The following CSF2RB variants were observed in gnomAD, a reference collection of about 807,000 sequenced individuals.
The protein encoded by CSF2RB is cytokine receptor common subunit beta.
A neutral mutation model predicts 67.2 loss-of-function variants in CSF2RB; 22 were observed. The ratio of observed to expected loss-of-function variants is 0.33; its 90% CI spans 0.23 to 0.47. CSF2RB has a LOEUF of 0.47. CSF2RB is among the 20% of genes least tolerant of loss of function. The probability of loss-of-function intolerance (pLI) is 1.00; values close to 1 mark genes in which losing one functional copy is unlikely to be tolerated. For synonymous variants in CSF2RB, 507 were observed against 482.9 expected (o/e 1.05, Z -0.65); for missense variants, 1,113 against 1,174.5 (o/e 0.95, Z 0.76).
chr22:36,918,808 T>C (rs1281680724), intron 1 of CSF2RB, among the ~76,000 whole-genome samples: 2 of 152,190 alleles, frequency 1.3e-5, no homozygotes, highest in Non-Finnish European at 2.9e-5. Context: ...GTATGGTTGC[T>C]CCAGAGTGAG....
At chr22:36,920,176 T>C (rs1349424166) in intron 1 of CSF2RB, among the ~76,000 whole-genome samples, 1 of 152,262 alleles carries the variant, frequency 6.6e-6, no homozygotes, top group African/African-American at 2.4e-5. Context: ...CACTGCAATA[T>C]TGTCAGCCAC....
At chr22:36,936,912 A>G (rs536313362) in intron 13 of CSF2RB, among the ~76,000 whole-genome samples, 1 of 152,262 alleles carries the variant, frequency 6.6e-6, no homozygotes, top group East Asian at 1.9e-4. Context: ...TGGCTGCCTC[A>G]GAGGCGTCAC....
At chr22:36,932,926 G>A in intron 9 of CSF2RB, 22 bp downstream of exon 9, 2 of 1,613,046 alleles carry the variant, frequency 1.2e-6, no homozygotes, top group Non-Finnish European at 1.7e-6. Flanking sequence ...TGCCCAGGGA[G>A]GGGAGAAACA....
intron 7 of CSF2RB, 56 bp downstream of exon 7, chr22:36,930,566 C>A: frequency 1.2e-6 from 2 of 1,611,710 alleles, no homozygotes; most frequent in Non-Finnish European, 1.7e-6. Flanking sequence ...TCTCTCCAAG[C>A]TTCCTCCTGT....
chr22:36,918,587 C>T (rs1408755625), intron 1 of CSF2RB, among the ~76,000 whole-genome samples: 1 of 152,186 alleles, frequency 6.6e-6, no homozygotes, highest in African/African-American at 2.4e-5. Flanking sequence ...AATACAGATT[C>T]CTTACTGTCT....
In CSF2RB at chr22:36,939,239, C is replaced by T. The variant is rs1197049273; in HGVS notation, c.*737C>T. On this transcript the variant is annotated 3_prime_UTR_variant, in exon 14 of 14. Transcript: ENST00000403662. ...TGGGACCTCCAGTCCCTTGAGACCC[C>T]ACGTCATGTAGAGAAGTTAACGGCC... 5 of 702,140 alleles carry T rather than the reference C, an allele frequency of 7.1e-6. No individual in the cohort carries two copies. The highest frequency in any genetic ancestry group is 7.8e-6 in the Non-Finnish European group (3 of 384,842). 43.5% of individuals were successfully genotyped at this position (702,140 alleles called of 1,614,324 possible).
In CSF2RB at chr22:36,938,398, G is replaced by A. The variant is rs1243778515; in HGVS notation, c.2590G>A (p.Ala864Thr). 2.5e-6 allele frequency: 4 copies of A among 1,614,174 alleles called. No individual in the cohort carries two copies. Among genetic ancestry groups the A allele is most frequent in the Admixed American group, 1.7e-5 (1 of 60,026 alleles). The change falls in exon 14 of 14, where the codon GCT becomes ACT. Residue 864 changes from alanine to threonine, a missense_variant. This residue lies in a region of CSF2RB where 554 missense variants were observed against 517.9 expected (regional missense o/e 1.07). Coordinates refer to ENST00000403662, the MANE Select transcript of CSF2RB (RefSeq NM_000395.3). ...AFQVKKPPGQ[A>T]VPQVPVIQLF... ...TCAAGTCAAGAAGCCCCCAGGCCAGGCTGTGCCCCAGGTGCCCGTCATTCA... is the reference window on the plus strand; with the variant it reads ...TCAAGTCAAGAAGCCCCCAGGCCAGACTGTGCCCCAGGTGCCCGTCATTCA...
In CSF2RB at chr22:36,930,378, A is replaced by G; in HGVS notation, c.722A>G (p.Asp241Gly). 6.2e-7 allele frequency: 1 copy of G among 1,613,408 alleles called. No individual in the cohort carries two copies. Among genetic ancestry groups the G allele is most frequent in the Non-Finnish European group, 8.5e-7 (1 of 1,180,002 alleles). ...TGAGGACCTGTCTCCAACCCAGGGG[A>G]TGAGGCCCAGCCCCAGAACCTGGAG... ...PEVCWDSQPG[D>G]EAQPQNLECF... The change falls in exon 7 of 14, where the codon GAT becomes GGT. Residue 241 changes from aspartate to glycine, a missense_variant. Physicochemically the swap from Asp to Gly is moderately conservative, Grantham distance 94 (BLOSUM62 -1). Transcript: ENST00000403662.
intron 1 of CSF2RB, among the ~76,000 whole-genome samples, chr22:36,916,560 A>T (rs1276577983): frequency 6.6e-6 from 1 of 152,206 alleles, no homozygotes; most frequent in Non-Finnish European, 1.5e-5. Context: ...GTTATAATTT[A>T]GAATCAGTTT....
In CSF2RB at chr22:36,930,527, T is replaced by TCCATC; in HGVS notation, c.854+20_854+24dup. 1.2e-6 allele frequency: 2 copies of TCCATC among 1,612,748 alleles called. No homozygotes were observed. Among genetic ancestry groups the TCCATC allele is most frequent in the East Asian group, 4.5e-5 (2 of 44,876 alleles). On this transcript the variant is annotated intron_variant, in intron 7 of 13. Coordinates refer to ENST00000403662, the MANE Select transcript of CSF2RB (RefSeq NM_000395.3). ...AGATGCAGGGTGAGCATCTTTTTTC[T>TCCATC]CCATCCCCTCCCCTCCTCTTGGCCT...
chr22:36,933,442 C>G (rs1210203940), intron 9 of CSF2RB, among the ~76,000 whole-genome samples: 1 of 152,164 alleles, frequency 6.6e-6, no homozygotes, highest in African/African-American at 2.4e-5. Context: ...AGGAGCGGGC[C>G]CTGGGGTCCT....
At position 36,937,453 on chromosome 22, in the gene CSF2RB, C is replaced by A. The variant is rs766217497; in HGVS notation, c.1645C>A (p.Pro549Thr). ...IEDPKHVCDPPSGPDTTPAAS... is the reference protein window; with the variant it reads ...IEDPKHVCDPTSGPDTTPAAS... ...GGACCCCAAGCATGTCTGTGATCCA[C>A]CATCTGGGCCTGACACGACTCCAGC... The change falls in exon 14 of 14, where the codon CCA becomes ACA. Residue 549 changes from proline (P) to threonine (T), a missense_variant. By Grantham distance (38) the Pro-to-Thr change is conservative. Coordinates refer to ENST00000403662, the MANE Select transcript of CSF2RB (RefSeq NM_000395.3). The surrounding 1 kb of genome is among the most constrained non-coding windows in gnomAD (Gnocchi z 4.6). 1 of 1,614,114 alleles carries A rather than the reference C, an allele frequency of 6.2e-7. No individual in the cohort carries two copies. The highest frequency in any genetic ancestry group is 2.2e-5 in the East Asian group (1 of 44,880).
chr22:36,938,059 G>T lies in CSF2RB; in HGVS notation c.2251G>T (p.Gly751Ter), dbSNP rs1426366133. Residue 751 changes from glycine to a stop codon, truncating the protein, a stop_gained, in exon 14 of 14, where the codon GGA (glycine) becomes TGA (stop). Transcript: ENST00000403662. LOFTEE classifies it low-confidence loss of function (END_TRUNC). Reference protein sequence around the residue: ...TPSLCPGLASGPPGAPGPVKS... With the variant: ...TPSLCPGLAS ...CAGCTTATGTCCTGGGCTGGCCAGT[G>T]GACCCCCTGGAGCCCCAGGCCCTGT... 2 of 1,614,062 alleles carry T rather than the reference G, an allele frequency of 1.2e-6. No homozygotes were observed. The highest frequency in any genetic ancestry group is 4.5e-5 in the East Asian group (2 of 44,870).
At chr22:36,916,838 A>G (rs1439340019) in intron 1 of CSF2RB, among the ~76,000 whole-genome samples, 1 of 152,104 alleles carries the variant, frequency 6.6e-6, no homozygotes, top group Non-Finnish European at 1.5e-5. Context: ...CAGCCTGGGC[A>G]ACAGAGTGAG....
intron 10 of CSF2RB, 85 bp from the exon 11 acceptor site, chr22:36,935,266 A>G (rs1941241982): frequency 7.8e-7 from 1 of 1,285,176 alleles, no homozygotes; most frequent in African/African-American, 1.5e-5. Context: ...GGTCTTAAGG[A>G]ATACTGCACC....
rs1236548420 is a variant in CSF2RB, at chr22:36,937,936, GGTTAT to G, written c.2131_2135del (p.Tyr711LeufsTer52). 6.2e-7 allele frequency: 1 copy of G among 1,614,026 alleles called. No individual in the cohort carries two copies. The highest frequency in any genetic ancestry group is 8.5e-7 in the Non-Finnish European group (1 of 1,180,014). On this transcript the variant is annotated frameshift_variant, in exon 14 of 14. Transcript: ENST00000403662. LOFTEE classifies it low-confidence loss of function (END_TRUNC). This position sits in a 1 kb window ranked among gnomAD's most constrained non-coding sequence, Gnocchi z 4.6. ...CACTGAGGACCCTGGAGTGGCCTCT[GGTTAT>G]GTCTCCTCTGCAGACCTGGTATTCA...
chr22:36,914,564 G>A (rs901581181), intron 1 of CSF2RB, among the ~76,000 whole-genome samples: 1 of 152,086 alleles, frequency 6.6e-6, no homozygotes, highest in Non-Finnish European at 1.5e-5. Flanking sequence ...CTGCTTCAGG[G>A]TGTGTGCAGG....
At position 36,938,677 on chromosome 22, in the gene CSF2RB, C is replaced by T; in HGVS notation, c.*175C>T. The T allele has an allele frequency of 1.6e-6, 1 of 638,094 alleles. No homozygotes were observed. Among genetic ancestry groups the T allele is most frequent in the South Asian group, 2.0e-5 (1 of 49,560 alleles). 39.5% of individuals were successfully genotyped at this position (638,094 alleles called of 1,614,324 possible). ...TTGACCTTCAGCAAATCACTTCTCTCCCTGCGCTCACACAGACACACACAC... is the reference window on the plus strand; with the variant it reads ...TTGACCTTCAGCAAATCACTTCTCTTCCTGCGCTCACACAGACACACACAC... On this transcript the variant is annotated 3_prime_UTR_variant, in exon 14 of 14. Coordinates refer to ENST00000403662, the MANE Select transcript of CSF2RB (RefSeq NM_000395.3).
Position 36,935,338 on chromosome 22 carries a change from C to G in CSF2RB, c.1316-13C>G. On this transcript the variant is annotated splice_polypyrimidine_tract_variant and intron_variant, in intron 10 of 13. Coordinates refer to ENST00000403662, the MANE Select transcript of CSF2RB (RefSeq NM_000395.3). ...AGATGCTGACATTCCTCTTTCTCCC[C>G]GGCTGCTGGAAGTGCTGCCTATGTG... The G allele has an allele frequency of 6.2e-7, 1 of 1,613,670 alleles. No homozygotes were observed. Among genetic ancestry groups the G allele is most frequent in the South Asian group, 1.1e-5 (1 of 91,070 alleles).
Sources: gnomAD v4.1 joint callset for allele counts (sites outside exome capture counted in the v4.1 genomes callset) on GRCh38, gnomAD v4.1.1 for gene constraint, gnomAD v4.1.1 regional missense constraint, Gnocchi (gnomAD v3.1) non-coding constraint, MANE v1.5 for transcripts, NCBI Gene and HGNC (gene_info 2026-07-23, HGNC 2026-07-21) for gene names.